The following CDYL variants were observed in gnomAD, a reference collection of about 807,000 sequenced individuals.
CDYL encodes the protein chromodomain Y like.
CDYL carries 8 observed loss-of-function variants against 47.3 expected under a neutral mutation model. The observed-to-expected ratio is 0.17, with a 90% CI of 0.10 to 0.31. The LOEUF is 0.31. CDYL is among the 10% of genes least tolerant of loss of function. The pLI, the probability that CDYL is intolerant of heterozygous loss-of-function variation, is 1.00. For missense variants in CDYL, 471 were observed against 701.4 expected (o/e 0.67, Z 3.71); for synonymous variants, 266 against 265.0 (o/e 1.00, Z -0.04).
intron 3 of CDYL, among the ~76,000 whole-genome samples, chr6:4,750,644 A>G (rs1757973183): frequency 6.6e-6 from 1 of 152,224 alleles, no homozygotes; most frequent in South Asian, 2.1e-4. Context: ...AACGACAACA[A>G]TCAAATTAAT....
In CDYL at chr6:4,863,003, A is replaced by G. The variant is rs191048572; in HGVS notation, c.25-28710A>G. Among the ~76,000 whole-genome samples the G allele has an allele frequency of 3.3e-5, 5 of 152,334 alleles. No homozygotes were observed. In the East Asian group the frequency reaches 7.7e-4, roughly 23 times the overall value. ...AAAGAAAATGTGGTACATATACACC[A>G]TGGAATACTATACCCCCATAAAAAA... On this transcript the variant is annotated intron_variant, in intron 1 of 6. Transcript: ENST00000397588.
intron 2 of CDYL, among the ~76,000 whole-genome samples, chr6:4,897,171 C>T (rs1197716708): frequency 6.6e-6 from 1 of 152,190 alleles, no homozygotes; most frequent in African/African-American, 2.4e-5. Context: ...GTAACTTTGT[C>T]CTTTCATGGA....
At chr6:4,953,805 A>G in intron 6 of CDYL, 93 bp from the exon 7 acceptor site, 1 of 1,221,660 alleles carries the variant, frequency 8.2e-7, no homozygotes, top group South Asian at 1.5e-5. Context: ...TGATTGCTGG[A>G]ATTTGATGAT....
chr6:4,839,114 A>G (rs1378776230), intron 1 of CDYL, among the ~76,000 whole-genome samples: 5 of 152,104 alleles, frequency 3.3e-5, no homozygotes, highest in South Asian at 2.1e-4. Context: ...GATTATGACC[A>G]TCTTGCAGGA....
intron 1 of CDYL, among the ~76,000 whole-genome samples, chr6:4,863,956 A>G (rs1420313919): frequency 1.3e-5 from 2 of 152,172 alleles, no homozygotes; most frequent in Non-Finnish European, 1.5e-5. Flanking sequence ...TAGCAAATTG[A>G]ATTGAGACCT....
At chr6:4,919,326 A>G (rs1296640016) in intron 2 of CDYL, among the ~76,000 whole-genome samples, 1 of 152,066 alleles carries the variant, frequency 6.6e-6, no homozygotes, top group Admixed American at 6.5e-5. Context: ...AAGAAGTAAG[A>G]GTTTGTGAAG....
At chr6:4,858,447 G>T (rs1215141940) in intron 1 of CDYL, among the ~76,000 whole-genome samples, 3 of 152,140 alleles carry the variant, frequency 2.0e-5, no homozygotes, top group African/African-American at 7.2e-5. Flanking sequence ...CCCTCTGAGG[G>T]TCAGCACTGC....
At chr6:4,715,687 G>C (rs530476066) in intron 1 of CDYL, 1 of 1,513,376 alleles carries the variant, frequency 6.6e-7, no homozygotes, top group East Asian at 2.3e-5. Context: ...CATGAGCCTT[G>C]GGTTTTTTCC....
chr6:4,924,059 G>GTC (rs1285537941), intron 2 of CDYL, among the ~76,000 whole-genome samples: 2 of 152,152 alleles, frequency 1.3e-5, no homozygotes, highest in African/African-American at 4.8e-5. Flanking sequence ...ATTATTGTGT[G>GTC]TCTCTAGGTT....
Position 4,884,204 on chromosome 6 carries a change from C to T in CDYL, c.25-7509C>T, listed in dbSNP as rs139393287. On this transcript the variant is annotated intron_variant, in intron 1 of 6. Transcript: ENST00000397588. ...ATCTTGTATTATCCGTGTCAGTGGC[C>T]CCAACCAAAAGGAAATGTCCAGAAG... Among the ~76,000 whole-genome samples, 632 of 152,286 alleles carry T rather than the reference C, an allele frequency of 4.2e-3. 1 individual carries two copies. The highest frequency in any genetic ancestry group is 0.014 in the African/African-American group (594 of 41,540).
At chr6:4,944,699 T>C (rs1758460483) in intron 5 of CDYL, among the ~76,000 whole-genome samples, 1 of 152,176 alleles carries the variant, frequency 6.6e-6, no homozygotes, top group South Asian at 2.1e-4. Flanking sequence ...CAGCAATAAC[T>C]TGCAGGCCAG....
chr6:4,815,972 GT>G lies in CDYL; in HGVS notation c.24+39179del, dbSNP rs66530204. On this transcript the variant is annotated intron_variant, in intron 1 of 6. Coordinates refer to ENST00000397588, the MANE Select transcript of CDYL (RefSeq NM_004824.4). ...ATATTTTCTTTGAGTATTTTTATAG[GT>G]TTTTTTTTTTTTTGACGTTATCCTA... Among the ~76,000 whole-genome samples, 811 of 140,434 alleles carry G rather than the reference GT, an allele frequency of 5.8e-3. 3 individuals carry two copies. Among genetic ancestry groups the G allele is most frequent in the African/African-American group, 0.018 (671 of 38,072 alleles). The allele number at this position is 140,434 out of a possible 152,430, so 92.1% of individuals were successfully genotyped here.
At chr6:4,758,231 T>C (rs1477802058) in intron 3 of CDYL, among the ~76,000 whole-genome samples, 2 of 151,278 alleles carry the variant, frequency 1.3e-5, no homozygotes, top group Non-Finnish European at 2.9e-5. Context: ...CCCAGTTAAT[T>C]GGGAGGCTGA....
intron 3 of CDYL, among the ~76,000 whole-genome samples, chr6:4,763,818 C>CTATA (rs907833712): frequency 5.3e-5 from 8 of 152,058 alleles, no homozygotes; most frequent in Non-Finnish European, 1.0e-4. Context: ...TGGCGTGTGC[C>CTATA]TATAGTTCCA....
chr6:4,915,873 G>A lies in CDYL; in HGVS notation c.692-19642G>A, dbSNP rs1176581688. Among the ~76,000 whole-genome samples, 5 of 152,108 alleles carry A rather than the reference G, an allele frequency of 3.3e-5. No homozygotes were observed. In the South Asian group the frequency reaches 6.2e-4, roughly 19 times the overall value. ...TGCTACCTGGAGACTTCGTCTGTAC[G>A]GCAAGAAGCTTGGCTTCCACACCTC... is the stretch of plus-strand genomic sequence containing the variant. On this transcript the variant is annotated intron_variant, in intron 2 of 6. Transcript: ENST00000397588.
chr6:4,738,991 A>G (rs1470112890), intron 3 of CDYL, among the ~76,000 whole-genome samples: 2 of 151,752 alleles, frequency 1.3e-5, no homozygotes, highest in Non-Finnish European at 2.9e-5. Flanking sequence ...GAGAAACCCC[A>G]TCTCTACTAA....
intron 1 of CDYL, among the ~76,000 whole-genome samples, chr6:4,825,545 C>A (rs1302874283): frequency 6.6e-6 from 1 of 152,048 alleles, no homozygotes; most frequent in Non-Finnish European, 1.5e-5. Flanking sequence ...ATGTTTTAAT[C>A]ATGAGTTAGA....
chr6:4,725,735 G>A (rs1465035733), intron 2 of CDYL, among the ~76,000 whole-genome samples: 2 of 152,222 alleles, frequency 1.3e-5, no homozygotes, highest in African/African-American at 4.8e-5. Context: ...GCCTTGGCCA[G>A]CCCAGAAAGG....
chr6:4,765,571 T>G (rs1327113897), intron 3 of CDYL, among the ~76,000 whole-genome samples: 1 of 151,208 alleles, frequency 6.6e-6, no homozygotes, highest in African/African-American at 2.4e-5. Context: ...GTTTCCCGTT[T>G]TTTTTTTTTT....
Sources: gnomAD v4.1 joint callset for allele counts (sites outside exome capture counted in the v4.1 genomes callset) on GRCh38, gnomAD v4.1.1 for gene constraint, MANE v1.5 for transcripts, NCBI Gene and HGNC (gene_info 2026-07-23, HGNC 2026-07-21) for gene names.